Variants in DARS2 observed in about 807,000 individuals in gnomAD.
DARS2 encodes aspartate--tRNA ligase, mitochondrial.
DARS2 carries 63 observed loss-of-function variants against 83.0 expected under a neutral mutation model. That is an observed-to-expected ratio of 0.76 (90% CI 0.62 to 0.94). The LOEUF (loss-of-function observed/expected upper bound fraction) is 0.94. Ranked by LOEUF, DARS2 falls within the 40% of genes least tolerant of loss-of-function variation. DARS2 has a pLI of 0.00. For synonymous variants in DARS2, 250 were observed against 269.3 expected (o/e 0.93, Z 0.70); for missense variants, 675 against 774.4 (o/e 0.87, Z 1.52).
chr1:173,834,533 TTCAA>T lies in DARS2; in HGVS notation c.663+18_663+21del, dbSNP rs763721020. 2 of 1,585,340 alleles carry T rather than the reference TTCAA, an allele frequency of 1.3e-6. No individual in the cohort carries two copies. The highest frequency in any genetic ancestry group is 2.2e-5 in the South Asian group (2 of 90,476). On this transcript the variant is annotated intron_variant, in intron 7 of 16. Transcript: ENST00000649689. ...AGGACCCCAGGGGTATGTATATTCC[TTCAA>T]TCAGTCTATTAATAATGTCCTATTA...
chr1:173,826,804 G>A lies in DARS2; in HGVS notation c.227+18G>A. 1.3e-6 allele frequency: 2 copies of A among 1,540,678 alleles called. No homozygotes were observed. Among genetic ancestry groups the A allele is most frequent in the South Asian group, 1.1e-5 (1 of 89,644 alleles). On this transcript the variant is annotated intron_variant, in intron 2 of 16. Coordinates refer to ENST00000649689, the MANE Select transcript of DARS2 (RefSeq NM_018122.5). ...TACCGAAGGTAAATTGAGAAAGACA[G>A]TCTAAGAATGCATGGTGGTGGTTTT...
chr1:173,839,648 TTTG>T, intron 10 of DARS2, 102 bp downstream of exon 10: 2 of 1,171,588 alleles, frequency 1.7e-6, no homozygotes, highest in Non-Finnish European at 2.5e-6. Flanking sequence ...AGATGATATT[TTTG>T]TTGTTACCTT....
intron 2 of DARS2, among the ~76,000 whole-genome samples, chr1:173,827,575 G>C (rs906986871): frequency 2.0e-5 from 3 of 152,038 alleles, no homozygotes; most frequent in African/African-American, 4.8e-5. Context: ...AGGTTGCAGT[G>C]AGCTGAGATT....
At position 173,853,398 on chromosome 1, in the gene DARS2, CAA is replaced by C. The variant is rs1334706550; in HGVS notation, c.1395_1396del (p.Gly467SerfsTer5). 6.2e-6 allele frequency: 10 copies of C among 1,614,034 alleles called. No homozygotes were observed. Among genetic ancestry groups the C allele is most frequent in the Non-Finnish European group, 8.5e-6 (10 of 1,180,038 alleles). On this transcript the variant is annotated frameshift_variant, in exon 14 of 17. Transcript: ENST00000649689. LOFTEE classifies it high-confidence loss of function. ...CTGGAATGTGCTGACCTTCTAGAAA[CAA>C]GAGGAGTGGTGCTCCGTGACCCCAC... is the stretch of plus-strand genomic sequence containing the variant.
At chr1:173,853,968 T>G (rs1653773220) in intron 15 of DARS2, 63 bp downstream of exon 15, 9 of 1,345,632 alleles carry the variant, frequency 6.7e-6, no homozygotes, top group South Asian at 2.4e-5. Flanking sequence ...CAGTTTTGTG[T>G]TGTTGTTGTT....
Position 173,830,765 on chromosome 1 carries a change from G to C in DARS2, c.396+4G>C. ...TCCTGCAGGACAAGAGAATCCAGTA[G>C]GTAGTTTCGAAGATATCTGTGTAAT... On this transcript the variant is annotated splice_donor_region_variant and intron_variant, in intron 4 of 16. Transcript: ENST00000649689. The C allele has an allele frequency of 1.2e-6, 2 of 1,611,848 alleles. No homozygotes were observed. Among genetic ancestry groups the C allele is most frequent in the East Asian group, 2.2e-5 (1 of 44,854 alleles).
intron 13 of DARS2, chr1:173,852,452 G>A (rs981776227): frequency 1.8e-5 from 3 of 162,448 alleles, no homozygotes; most frequent in Non-Finnish European, 3.9e-5. Context: ...TGGAGGAGCC[G>A]GATTTCTAAC....
chr1:173,857,469 C>T, intron 16 of DARS2, 49 bp from the exon 17 acceptor site: 1 of 1,563,990 alleles, frequency 6.4e-7, no homozygotes. Context: ...AAGTTATTTC[C>T]AACATTAGAT....
At chr1:173,834,001 A>T (rs115639068) in intron 6 of DARS2, among the ~76,000 whole-genome samples, 1 of 152,142 alleles carries the variant, frequency 6.6e-6, no homozygotes, top group African/African-American at 2.4e-5. Context: ...GGTTTAAGCA[A>T]TCCTCCCACC....
chr1:173,850,001 G>A (rs1261728636), intron 12 of DARS2, among the ~76,000 whole-genome samples: 2 of 151,468 alleles, frequency 1.3e-5, no homozygotes, highest in Non-Finnish European at 2.9e-5. Context: ...AGGATTACAG[G>A]TGCACAGAAC....
chr1:173,839,406 C>A lies in DARS2; in HGVS notation c.880C>A (p.Gln294Lys). 1.2e-6 allele frequency: 2 copies of A among 1,614,118 alleles called. No homozygotes were observed. Residue 294 changes from glutamine (Q) to lysine (K), a missense_variant, in exon 10 of 17, where the codon CAG (glutamine) becomes AAG (lysine). Transcript: ENST00000649689. ...GTCATTTGTAGACCAGACTGGGATC[C>A]AGAGTTTAATTGAGGGTTTGCTCCA... ...EMSFVDQTGI[Q>K]SLIEGLLQYS...
intron 15 of DARS2, among the ~76,000 whole-genome samples, chr1:173,854,259 G>A (rs2102663274): frequency 6.6e-6 from 1 of 152,238 alleles, no homozygotes; most frequent in Non-Finnish European, 1.5e-5. Context: ...TTATAGGCAT[G>A]AACCACTGCA....
intron 15 of DARS2, among the ~76,000 whole-genome samples, chr1:173,855,192 C>T (rs1476793831): frequency 1.3e-5 from 2 of 151,868 alleles, no homozygotes; most frequent in East Asian, 3.9e-4. Flanking sequence ...CAACCTCCGC[C>T]GCCTGGGTTC....
rs1019884556 is a variant in DARS2, at chr1:173,857,850, C to T, written c.*145C>T. On this transcript the variant is annotated 3_prime_UTR_variant, in exon 17 of 17. Transcript: ENST00000649689. Reference sequence around the variant, plus strand: ...ATCCAGGCAACATTCTTCACCACAACGAAGAAACAGATAAAAGATACCCAA... The same window carrying T: ...ATCCAGGCAACATTCTTCACCACAATGAAGAAACAGATAAAAGATACCCAA... 1.3e-5 allele frequency: 11 copies of T among 863,248 alleles called. No individual in the cohort carries two copies. Among genetic ancestry groups the T allele is most frequent in the African/African-American group, 6.7e-5 (4 of 59,422 alleles). 53.5% of individuals were successfully genotyped at this position (863,248 alleles called of 1,614,324 possible). A position where few individuals can be genotyped will look rare whatever the true frequency, so the allele number is the denominator to read the frequency against.
At position 173,838,271 on chromosome 1, in the gene DARS2, T is replaced by C. The variant is rs1038890185; in HGVS notation, c.840+12T>C. 3.1e-6 allele frequency: 5 copies of C among 1,603,456 alleles called. No individual in the cohort carries two copies. The highest frequency in any genetic ancestry group is 4.3e-6 in the Non-Finnish European group (5 of 1,170,414). The stretch of plus-strand genomic sequence containing the variant: ...CTGAGTTTACTCAGGTACAAAGTTA[T>C]ATTCACTTGTTTCTTAAAATTCAGG... On this transcript the variant is annotated intron_variant, in intron 9 of 16. Transcript: ENST00000649689.
At chr1:173,844,626 C>T (rs535414277) in intron 11 of DARS2, among the ~76,000 whole-genome samples, 8 of 117,278 alleles carry the variant, frequency 6.8e-5, no homozygotes, top group Non-Finnish European at 9.7e-5. Context: ...GCTGAGATCA[C>T]GCCACTGTAC....
chr1:173,848,922 T>A (rs1653542564), intron 12 of DARS2, among the ~76,000 whole-genome samples: 1 of 152,184 alleles, frequency 6.6e-6, no homozygotes, highest in Non-Finnish European at 1.5e-5. Flanking sequence ...CAATTTAACC[T>A]CTTTTCTTTT....
In DARS2 at chr1:173,825,659, C is replaced by T. The variant is rs74415834; in HGVS notation, c.127+303C>T. On this transcript the variant is annotated intron_variant, in intron 1 of 16. Transcript: ENST00000649689. ...AATTTTTCTGTATTTTTGGTAGAGC[C>T]GGGGTTTCACTGTGTTAGCCAGGAT... 0.22 allele frequency among the ~76,000 whole-genome samples: 33,290 copies of T among 150,518 alleles called. 4,251 individuals are homozygous for T. Among genetic ancestry groups the T allele is most frequent in the Middle Eastern group, 0.38 (111 of 290 alleles).
intron 12 of DARS2, among the ~76,000 whole-genome samples, chr1:173,847,577 T>G (rs1439849293): frequency 6.6e-6 from 1 of 152,170 alleles, no homozygotes; most frequent in Non-Finnish European, 1.5e-5. Flanking sequence ...AGATCTTATG[T>G]GTTTTTAGCA....
Sources: gnomAD v4.1 joint callset for allele counts (sites outside exome capture counted in the v4.1 genomes callset) on GRCh38, gnomAD v4.1.1 for gene constraint, MANE v1.5 for transcripts, NCBI Gene and HGNC (gene_info 2026-07-23, HGNC 2026-07-21) for gene names.